The following FLT1 variants were observed in gnomAD, a reference collection of about 807,000 sequenced individuals.
FLT1 encodes fms related receptor tyrosine kinase 1.
In FLT1, 49 loss-of-function variants were observed where a neutral mutation model predicts 156.3. The observed-to-expected ratio is 0.31, with a 90% CI of 0.25 to 0.40. The LOEUF (loss-of-function observed/expected upper bound fraction) is 0.40. FLT1 is among the 10% of genes least tolerant of loss of function. The pLI is 1.00. For missense variants in FLT1, 1,322 were observed against 1,637.2 expected, an observed-to-expected ratio of 0.81 and a Z score of 3.32; for synonymous variants, 594 against 583.8, an observed-to-expected ratio of 1.02 and a Z score of -0.25.
chr13:28,409,493 C>G (rs947890109), intron 10 of FLT1, among the ~76,000 whole-genome samples: 1 of 151,872 alleles, frequency 6.6e-6, no homozygotes, highest in Non-Finnish European at 1.5e-5. Flanking sequence ...TGCCATCATG[C>G]GAGGATAATT....
intron 15 of FLT1, among the ~76,000 whole-genome samples, chr13:28,353,638 A>G (rs1872803513): frequency 6.6e-6 from 1 of 152,080 alleles, no homozygotes; most frequent in Admixed American, 6.6e-5. Context: ...ATTATAAAGC[A>G]TAGCTTAAGT....
chr13:28,467,514 C>G lies in FLT1; in HGVS notation c.161+7G>C. On this transcript the variant is annotated splice_region_variant and intron_variant, in intron 2 of 29. Transcript: ENST00000282397. ...TAGATTATTCCCAAACCAACACAGCCACTTACCTGCATTGGAGATGCAGTG... is the reference window on the plus strand; with the variant it reads ...TAGATTATTCCCAAACCAACACAGCGACTTACCTGCATTGGAGATGCAGTG... 1 of 1,576,744 alleles carries G rather than the reference C, an allele frequency of 6.3e-7. No homozygotes were observed.
intron 18 of FLT1, among the ~76,000 whole-genome samples, chr13:28,331,282 G>A (rs1349346623): frequency 2.0e-5 from 3 of 152,198 alleles, no homozygotes; most frequent in African/African-American, 7.2e-5. Flanking sequence ...TGGGGTTAGG[G>A]CTGGCTCACA....
intron 16 of FLT1, among the ~76,000 whole-genome samples, chr13:28,343,664 A>G (rs1222093805): frequency 6.8e-6 from 1 of 147,866 alleles, no homozygotes; most frequent in Non-Finnish European, 1.5e-5. Context: ...TTTTTCTGAG[A>G]CAGAGTCTCG....
intron 23 of FLT1, among the ~76,000 whole-genome samples, chr13:28,319,916 A>G (rs1434956953): frequency 2.0e-5 from 3 of 152,246 alleles, no homozygotes. Context: ...GGTGGTTTCC[A>G]AAAATTTTTC....
chr13:28,314,487 T>C lies in FLT1; in HGVS notation c.3387-2389A>G, dbSNP rs927611335. Among the ~76,000 whole-genome samples the C allele has an allele frequency of 6.6e-5, 10 of 152,332 alleles. No homozygotes were observed. In the East Asian group the frequency reaches 1.9e-3, roughly 29 times the overall value. On this transcript the variant is annotated intron_variant, in intron 25 of 29. Transcript: ENST00000282397. ...TCTGGGCCAGGAACCAACAACTCAA[T>C]GTTACAAGATTTTGTACCACTAAGT... is the stretch of plus-strand genomic sequence containing the variant.
intron 7 of FLT1, among the ~76,000 whole-genome samples, chr13:28,430,660 T>G (rs1877626492): frequency 6.6e-6 from 1 of 152,210 alleles, no homozygotes; most frequent in Non-Finnish European, 1.5e-5. Flanking sequence ...TTAAGCATTT[T>G]CTTTATAGAA....
At chr13:28,319,620 T>C (rs1871358145) in intron 23 of FLT1, 86 bp from the exon 24 acceptor site, 3 of 759,534 alleles carry the variant, frequency 3.9e-6, no homozygotes, top group South Asian at 2.9e-5. Context: ...ACCTCCCAGA[T>C]AACATACGGC....
intron 4 of FLT1, among the ~76,000 whole-genome samples, chr13:28,434,438 A>T (rs1056982044): frequency 1.8e-4 from 27 of 152,372 alleles, no homozygotes; most frequent in African/African-American, 6.0e-4. Flanking sequence ...ATGATAAATT[A>T]TAGTAATTAT....
chr13:28,467,253 T>C (rs975469031), intron 2 of FLT1, 124 bp from the exon 3 acceptor site: 1 of 795,876 alleles, frequency 1.3e-6, no homozygotes, highest in African/African-American at 1.7e-5. Flanking sequence ...TCTTCCTCTT[T>C]ACGGGAAAGC....
rs1336765952 is a variant in FLT1 at position 28,430,056 on chromosome 13, A to T, written c.1100T>A (p.Val367Asp). 6.2e-7 allele frequency: 1 copy of T among 1,606,352 alleles called. No individual in the cohort carries two copies. Among genetic ancestry groups the T allele is most frequent in the Non-Finnish European group, 8.5e-7 (1 of 1,172,890 alleles). The change falls in exon 8 of 30, where the codon GTT becomes GAT. Residue 367 changes from valine (V) to aspartate (D), a missense_variant. Coordinates refer to ENST00000282397, the MANE Select transcript of FLT1 (RefSeq NM_002019.4). Reference sequence around the variant, plus strand: ...GAAATAAGGATGGTCCTACCATACAACTTCCGGCGAGGGAAATGCCTTCAC... The same window carrying T: ...GAAATAAGGATGGTCCTACCATACATCTTCCGGCGAGGGAAATGCCTTCAC... ...MKVKAFPSPE[V>D]VWLKDGLPAT...
At chr13:28,457,806 T>C (rs1879345201) in intron 3 of FLT1, among the ~76,000 whole-genome samples, 1 of 152,106 alleles carries the variant, frequency 6.6e-6, no homozygotes, top group Non-Finnish European at 1.5e-5. Context: ...CTTAAAACCA[T>C]AAAGTTTTGA....
At chr13:28,432,166 C>G (rs1202649577) in intron 6 of FLT1, among the ~76,000 whole-genome samples, 1 of 152,062 alleles carries the variant, frequency 6.6e-6, no homozygotes, top group Non-Finnish European at 1.5e-5. Flanking sequence ...ACCTCTCAAT[C>G]CTTCCCCATA....
chr13:28,332,987 C>T (rs1871986907), intron 18 of FLT1, among the ~76,000 whole-genome samples: 1 of 152,204 alleles, frequency 6.6e-6, no homozygotes, highest in Admixed American at 6.5e-5. Context: ...TTGTGGATAC[C>T]AAACTCCTTC....
Position 28,494,877 on chromosome 13 carries a change from C to T in FLT1, c.-34G>A, listed in dbSNP as rs377090472. On this transcript the variant is annotated 5_prime_UTR_variant, in exon 1 of 30. Coordinates refer to ENST00000282397, the MANE Select transcript of FLT1 (RefSeq NM_002019.4). ...CGACGCGGCCTGCTCGCCCGGTGCCCGCGCTCCCCGCGGCCAACGACCCGG... is the reference window on the plus strand; with the variant it reads ...CGACGCGGCCTGCTCGCCCGGTGCCTGCGCTCCCCGCGGCCAACGACCCGG... 348 of 1,502,562 alleles carry T rather than the reference C, an allele frequency of 2.3e-4. 3 individuals carry two copies. The South Asian group carries it at 3.8e-3, about 17-fold the overall frequency. 93.1% of individuals were successfully genotyped at this position (1,502,562 alleles called of 1,614,324 possible). A position where few individuals can be genotyped will look rare whatever the true frequency, so the allele number is the denominator to read the frequency against.
Position 28,457,933 on chromosome 13 carries a change from C to CTTTTTTTTTTTTT in FLT1, c.388+8957_388+8969dup, listed in dbSNP as rs894090277. The stretch of plus-strand genomic sequence containing the variant: ...TTCTTTTCCTTTTTTCTTTCCTTTT[C>CTTTTTTTTTTTTT]TTTTTTTTTTTTTTTTTTTGTGATG... On this transcript the variant is annotated intron_variant, in intron 3 of 29. Coordinates refer to ENST00000282397, the MANE Select transcript of FLT1 (RefSeq NM_002019.4). Among the ~76,000 whole-genome samples the CTTTTTTTTTTTTT allele has an allele frequency of 4.6e-4, 53 of 114,200 alleles. 3 individuals are homozygous for CTTTTTTTTTTTTT. The highest frequency in any genetic ancestry group is 1.8e-3 in the African/African-American group (48 of 26,706). 74.9% of individuals were successfully genotyped at this position (114,200 alleles called of 152,430 possible).
intron 10 of FLT1, among the ~76,000 whole-genome samples, chr13:28,421,912 C>A (rs1028797083): frequency 1.3e-5 from 2 of 152,232 alleles, no homozygotes; most frequent in African/African-American, 2.4e-5. Flanking sequence ...CAAGGTCACA[C>A]AGAAGTCAGG....
At chr13:28,306,632 C>T (rs746522814) in intron 29 of FLT1, 46 bp downstream of exon 29, 3 of 1,333,084 alleles carry the variant, frequency 2.3e-6, no homozygotes, top group South Asian at 1.2e-5. Context: ...CATCTCCCCT[C>T]GTACCCCTCC....
At position 28,431,190 on chromosome 13, in the gene FLT1, G is replaced by C. The variant is rs759189221; in HGVS notation, c.934C>G (p.Arg312Gly). 1 of 1,613,644 alleles carries C rather than the reference G, an allele frequency of 6.2e-7. No individual in the cohort carries two copies. The highest frequency in any genetic ancestry group is 1.1e-5 in the South Asian group (1 of 91,066). Residue 312 changes from arginine to glycine, a missense_variant, in exon 7 of 30, where the codon CGT becomes GGT. This residue lies in a region of FLT1 where 991 missense variants were observed against 1,254.8 expected (regional missense o/e 0.79). Transcript: ENST00000282397. ...TTGAATGATGGTCCACTCCTTACAC[G>C]ACAAGTATAAAGTCCTTTGTCTTTG... Reference protein sequence around the residue: ...QNKDKGLYTCRVRSGPSFKSV... With the variant: ...QNKDKGLYTCGVRSGPSFKSV...
Sources: allele counts gnomAD v4.1 joint callset (sites outside exome capture counted in the v4.1 genomes callset), GRCh38; gene constraint gnomAD v4.1.1; regional missense constraint gnomAD v4.1.1; transcripts MANE v1.5; gene names NCBI Gene and HGNC (gene_info 2026-07-23, HGNC 2026-07-21).